CUX2: variants seen among roughly 807,000 people sequenced by gnomAD.
CUX2 encodes the protein cut like homeobox 2, also known as homeobox protein cut-like 2.
In CUX2, 40 loss-of-function variants were observed where a neutral mutation model predicts 144.8. The ratio of observed to expected loss-of-function variants is 0.28; its 90% confidence interval spans 0.21 to 0.36. The LOEUF (loss-of-function observed/expected upper bound fraction) is 0.36, where lower values mean the gene tolerates loss of function less well. CUX2 is among the 10% of genes least tolerant of loss of function. The pLI is 1.00. For missense variants in CUX2, 1,615 were observed against 1,994.0 expected (o/e 0.81, Z 3.62); for synonymous variants, 827 against 875.6 (o/e 0.94, Z 0.98).
chr12:111,178,131 CTG>C lies in CUX2; in HGVS notation c.64-36065_64-36064del, dbSNP rs1878963611. 2.0e-5 allele frequency among the ~76,000 whole-genome samples: 3 copies of C among 152,196 alleles called. No individual in the cohort carries two copies. Among genetic ancestry groups the C allele is most frequent in the Admixed American group, 6.5e-5 (1 of 15,280 alleles). On this transcript the variant is annotated intron_variant, in intron 1 of 21. Coordinates refer to ENST00000261726, the MANE Select transcript of CUX2 (RefSeq NM_015267.4). This position sits in a 1 kb window ranked among gnomAD's most constrained non-coding sequence, Gnocchi z 5.7. ...CCTGGGGTTTTCTGCAAAGGTCTGT[CTG>C]TGTCTAGAAGAAGAGATTCCAAGAT...
chr12:111,155,351 C>T (rs578097867), intron 1 of CUX2, among the ~76,000 whole-genome samples: 89 of 152,282 alleles, frequency 5.8e-4, no homozygotes, highest in African/African-American at 1.9e-3. Flanking sequence ...TCATAGTAAA[C>T]GTTCAGCAAA....
intron 3 of CUX2, among the ~76,000 whole-genome samples, chr12:111,247,090 C>T (rs1052675300): frequency 2.6e-5 from 4 of 152,184 alleles, no homozygotes; most frequent in African/African-American, 9.7e-5. Flanking sequence ...TGATAACCCT[C>T]AGATGTGGAT....
At position 111,295,621 on chromosome 12, in the gene CUX2, A is replaced by G. The variant is rs1885932274; in HGVS notation, c.637+212A>G. Among the ~76,000 whole-genome samples the G allele has an allele frequency of 6.6e-6, 1 of 152,132 alleles. No homozygotes were observed. Among genetic ancestry groups the G allele is most frequent in the African/African-American group, 2.4e-5 (1 of 41,416 alleles). ...CTGTGGAAAGAGGATTTGAGACAGA[A>G]TTAATTCAGGTGATGGCCAGGCGTG... On this transcript the variant is annotated intron_variant, in intron 7 of 21. Coordinates refer to ENST00000261726, the MANE Select transcript of CUX2 (RefSeq NM_015267.4). This position sits in a 1 kb window ranked among gnomAD's most constrained non-coding sequence, Gnocchi z 5.0.
Position 111,348,197 on chromosome 12 carries a change from T to G in CUX2, c.4333T>G (p.Leu1445Val), listed in dbSNP as rs750595169. ...CCCCACTGCTGACATGGCTGGAGCC[T>G]TGCACCCCAGTGCCAAGGTGAACCC... Reference protein sequence around the residue: ...ASPTADMAGALHPSAKVNPNL... With the variant: ...ASPTADMAGAVHPSAKVNPNL... Residue 1445 changes from leucine to valine, a missense_variant, in exon 22 of 22, where the codon TTG (leucine) becomes GTG (valine). Transcript: ENST00000261726. 6.2e-7 allele frequency: 1 copy of G among 1,613,870 alleles called. No homozygotes were observed. Among genetic ancestry groups the G allele is most frequent in the Non-Finnish European group, 8.5e-7 (1 of 1,179,966 alleles).
rs34282526 is a variant in CUX2 at position 111,170,545 on chromosome 12, CTTTTTTT to C, written c.64-43635_64-43629del. ...AGCTGGATGCACACCCCCAGCTCTT[CTTTTTTT>C]TTTTTTTTTTTTTTTTTTTGAGACG... On this transcript the variant is annotated intron_variant, in intron 1 of 21. Transcript: ENST00000261726. Among the ~76,000 whole-genome samples the C allele has an allele frequency of 5.9e-4, 47 of 79,952 alleles. 1 individual carries two copies. Among genetic ancestry groups the C allele is most frequent in the Admixed American group, 3.9e-3 (30 of 7,612 alleles). The allele number at this position is 79,952 out of a possible 152,430, so 52.5% of individuals were successfully genotyped here.
chr12:111,202,443 A>G (rs1880654334), intron 1 of CUX2, among the ~76,000 whole-genome samples: 1 of 152,214 alleles, frequency 6.6e-6, no homozygotes. Flanking sequence ...TCTCTCAAGG[A>G]CAGCCACCTC....
chr12:111,305,875 C>G (rs555444363), intron 10 of CUX2, among the ~76,000 whole-genome samples: 28 of 152,070 alleles, frequency 1.8e-4, no homozygotes, highest in African/African-American at 6.3e-4. Flanking sequence ...CTCTTTGATG[C>G]GTGTGTATTT....
At chr12:111,203,070 A>G (rs1880692493) in intron 1 of CUX2, among the ~76,000 whole-genome samples, 1 of 152,046 alleles carries the variant, frequency 6.6e-6, no homozygotes, top group South Asian at 2.1e-4. Context: ...CATCTCTACT[A>G]AAAATATAAA....
chr12:111,340,271 T>G (rs1303220942), intron 20 of CUX2, among the ~76,000 whole-genome samples: 1 of 152,206 alleles, frequency 6.6e-6, no homozygotes. Flanking sequence ...CTTCTTTCAT[T>G]CTGAAGTGGG....
chr12:111,220,935 CT>C (rs1373641788), intron 3 of CUX2, among the ~76,000 whole-genome samples: 3 of 90,680 alleles, frequency 3.3e-5, no homozygotes, highest in African/African-American at 1.5e-4. Context: ...GACCTGGTCT[CT>C]TAAAAAAAAA....
intron 1 of CUX2, among the ~76,000 whole-genome samples, chr12:111,085,864 G>A (rs1318527962): frequency 6.6e-6 from 1 of 152,218 alleles, no homozygotes; most frequent in Non-Finnish European, 1.5e-5. Flanking sequence ...TTCCAGCAAG[G>A]GCTTACACAG....
At position 111,310,217 on chromosome 12, in the gene CUX2, T is replaced by C; in HGVS notation, c.1435T>C (p.Ser479Pro). The change falls in exon 15 of 22, where the codon TCC becomes CCC. Residue 479 changes from serine (S) to proline (P), a missense_variant. By Grantham distance (74) the Ser-to-Pro change is moderately conservative. Transcript: ENST00000261726. This position sits in a 1 kb window ranked among gnomAD's most constrained non-coding sequence, Gnocchi z 7.9. ...GPDGTRTFSL[S>P]PFPSLASGER... ...TGACGGCACTCGGACTTTCTCGCTG[T>C]CCCCCTTCCCCAGCCTGGCATCAGG... 1.3e-6 allele frequency: 2 copies of C among 1,511,362 alleles called. No individual in the cohort carries two copies. Among genetic ancestry groups the C allele is most frequent in the Admixed American group, 2.3e-5 (1 of 44,128 alleles). The allele number at this position is 1,511,362 out of a possible 1,614,324, so 93.6% of individuals were successfully genotyped here. A position where few individuals can be genotyped will look rare whatever the true frequency, so the allele number is the denominator to read the frequency against.
rs147193933 is a variant in CUX2 at position 111,287,586 on chromosome 12, C to T, written c.302-3832C>T. Reference sequence around the variant, plus strand: ...GAATTTTTAGCTGGCCTGCCTAATGCGCTTGCTGGGTTAATTATGTCAATG... The same window carrying T: ...GAATTTTTAGCTGGCCTGCCTAATGTGCTTGCTGGGTTAATTATGTCAATG... On this transcript the variant is annotated intron_variant, in intron 4 of 21. Coordinates refer to ENST00000261726, the MANE Select transcript of CUX2 (RefSeq NM_015267.4). The surrounding 1 kb of genome is among the most constrained non-coding windows in gnomAD (Gnocchi z 4.2). 5.1e-3 allele frequency among the ~76,000 whole-genome samples: 782 copies of T among 152,366 alleles called. 6 individuals are homozygous for T. Among genetic ancestry groups the T allele is most frequent in the East Asian group, 0.037 (191 of 5,190 alleles).
rs1489310108 is a variant in CUX2 at position 111,187,488 on chromosome 12, C to T, written c.64-26712C>T. Among the ~76,000 whole-genome samples the T allele has an allele frequency of 3.3e-5, 5 of 152,284 alleles. No individual in the cohort carries two copies. In the East Asian group the frequency reaches 9.7e-4, roughly 29 times the overall value. On this transcript the variant is annotated intron_variant, in intron 1 of 21. Coordinates refer to ENST00000261726, the MANE Select transcript of CUX2 (RefSeq NM_015267.4). ...CTCCCCCTACTCCTGACCCCTTTCC[C>T]TGCTTGAGTGTCCTCCCTCCCCATG...
At chr12:111,317,786 A>G (rs149998868) in intron 16 of CUX2, among the ~76,000 whole-genome samples, 2 of 152,300 alleles carry the variant, frequency 1.3e-5, no homozygotes, top group African/African-American at 2.4e-5. Context: ...ATTTGAGCTC[A>G]GGAGTTTGAG....
rs1252843832 is a variant in CUX2, at chr12:111,255,966, G to C, written c.223-7795G>C. ...GTGGGTCTCCCTGAGTACCTTTACAGCCTCACAGATACAGGGGCATGTACT... is the reference window on the plus strand; with the variant it reads ...GTGGGTCTCCCTGAGTACCTTTACACCCTCACAGATACAGGGGCATGTACT... On this transcript the variant is annotated intron_variant, in intron 3 of 21. Transcript: ENST00000261726. The surrounding 1 kb of genome is among the most constrained non-coding windows in gnomAD (Gnocchi z 4.1). 3.3e-5 allele frequency among the ~76,000 whole-genome samples: 5 copies of C among 152,044 alleles called. No homozygotes were observed. Among genetic ancestry groups the C allele is most frequent in the Non-Finnish European group, 7.4e-5 (5 of 68,014 alleles).
At chr12:111,300,247 A>G (rs1012269941) in intron 9 of CUX2, among the ~76,000 whole-genome samples, 2 of 152,110 alleles carry the variant, frequency 1.3e-5, no homozygotes, top group African/African-American at 2.4e-5. Context: ...CAGTCCCCCA[A>G]GTAGCTGGGA....
intron 1 of CUX2, among the ~76,000 whole-genome samples, chr12:111,157,463 TC>T (rs1270426423): frequency 6.6e-6 from 1 of 151,916 alleles, no homozygotes; most frequent in Non-Finnish European, 1.5e-5. Flanking sequence ...GGTTTATGTT[TC>T]AAAGATTACA....
chr12:111,179,603 G>A (rs1357913600), intron 1 of CUX2, among the ~76,000 whole-genome samples: 1 of 151,884 alleles, frequency 6.6e-6, no homozygotes, highest in African/African-American at 2.4e-5. Flanking sequence ...GGTTGTTGTT[G>A]TTGTTGTTGT....
Sources: gnomAD v4.1 joint callset for allele counts (sites outside exome capture counted in the v4.1 genomes callset) on GRCh38, gnomAD v4.1.1 for gene constraint, Gnocchi (gnomAD v3.1) non-coding constraint, MANE v1.5 for transcripts, NCBI Gene and HGNC (gene_info 2026-07-23, HGNC 2026-07-21) for gene names.